GRIK4: variants seen among roughly 807,000 people sequenced by gnomAD.
The protein encoded by GRIK4 is glutamate ionotropic receptor kainate type subunit 4.
A neutral mutation model predicts 104.9 loss-of-function variants in GRIK4; 40 were observed. The observed-to-expected ratio is 0.38, with a 90% confidence interval of 0.30 to 0.50. The LOEUF (loss-of-function observed/expected upper bound fraction) is 0.50, where lower values mean the gene tolerates loss of function less well. Among genes scored for constraint, GRIK4 ranks in the 20% least tolerant of loss-of-function variants. GRIK4 has a pLI of 0.93. For missense variants in GRIK4, 1,047 were observed against 1,308.1 expected, an observed-to-expected ratio of 0.80 and a Z score of 3.08; for synonymous variants, 485 against 524.9, an observed-to-expected ratio of 0.92 and a Z score of 1.04.
At chr11:120,669,632 T>A (rs953076669) in intron 3 of GRIK4, among the ~76,000 whole-genome samples, 5 of 152,212 alleles carry the variant, frequency 3.3e-5, no homozygotes, top group African/African-American at 7.2e-5. Context: ...TTTCACATAG[T>A]CTTTTCCTCC....
At chr11:120,911,655 A>G (rs1942998881) in intron 13 of GRIK4, among the ~76,000 whole-genome samples, 1 of 149,902 alleles carries the variant, frequency 6.7e-6, no homozygotes, top group Non-Finnish European at 1.5e-5. Flanking sequence ...CAGCCTGGCC[A>G]ACATGGTGAA....
intron 1 of GRIK4, among the ~76,000 whole-genome samples, chr11:120,615,338 C>G (rs1426889264): frequency 6.6e-6 from 1 of 152,194 alleles, no homozygotes; most frequent in Non-Finnish European, 1.5e-5. Context: ...GTTGGGTGGG[C>G]TACTTCTGTG....
At chr11:120,514,707 C>T (rs897314465) in intron 1 of GRIK4, among the ~76,000 whole-genome samples, 1 of 152,206 alleles carries the variant, frequency 6.6e-6, no homozygotes, top group African/African-American at 2.4e-5. Context: ...TGGGCACTGC[C>T]TCTTGCCTCC....
rs1829378728 is a variant in GRIK4, at chr11:120,883,476, C to T, written c.1164+8233C>T. ...TACTTCACTAAAAGGCTCTGAAATA[C>T]TTTCTCCTGTGAGTGAATCAGGCTC... On this transcript the variant is annotated intron_variant, in intron 11 of 20. Transcript: ENST00000527524. Among the ~76,000 whole-genome samples the T allele has an allele frequency of 2.0e-5, 3 of 152,208 alleles. No individual in the cohort carries two copies. In the South Asian group the frequency reaches 6.2e-4, roughly 32 times the overall value.
intron 1 of GRIK4, among the ~76,000 whole-genome samples, chr11:120,619,671 G>A (rs1949160902): frequency 6.6e-6 from 1 of 152,100 alleles, no homozygotes; most frequent in Non-Finnish European, 1.5e-5. Flanking sequence ...ATGAGATCTG[G>A]TTGTTTAAAA....
intron 1 of GRIK4, among the ~76,000 whole-genome samples, chr11:120,594,748 G>A (rs1031030115): frequency 1.3e-5 from 2 of 152,184 alleles, no homozygotes; most frequent in Admixed American, 6.5e-5. Context: ...ATTCACTGCA[G>A]TTGGGCCACG....
intron 13 of GRIK4, among the ~76,000 whole-genome samples, chr11:120,924,962 A>C (rs1026459712): frequency 3.3e-5 from 5 of 152,192 alleles, no homozygotes; most frequent in Non-Finnish European, 7.4e-5. Flanking sequence ...ACTGATAGGA[A>C]ATGAGAAGGG....
At chr11:120,823,699 T>C (rs148984434) in intron 6 of GRIK4, among the ~76,000 whole-genome samples, 2 of 152,354 alleles carry the variant, frequency 1.3e-5, no homozygotes, top group African/African-American at 4.8e-5. Context: ...GAGATCTCTC[T>C]GAACAACATG....
At chr11:120,734,325 A>G (rs1951187441) in intron 3 of GRIK4, among the ~76,000 whole-genome samples, 1 of 152,166 alleles carries the variant, frequency 6.6e-6, no homozygotes, top group Non-Finnish European at 1.5e-5. Context: ...TTCTAGGGTA[A>G]AAGTTTTTTT....
chr11:120,893,480 A>AT (rs943970522), intron 11 of GRIK4, among the ~76,000 whole-genome samples: 2 of 152,182 alleles, frequency 1.3e-5, no homozygotes, highest in African/African-American at 2.4e-5. Context: ...CTGGAATCCT[A>AT]TTTTTTCTAC....
rs747556882 is a variant in GRIK4 at position 120,558,995 on chromosome 11, C to T, written c.-159+47108C>T. The stretch of plus-strand genomic sequence containing the variant: ...ATATTTTTGCTGTGTTTATTCTTCC[C>T]GTCATCTTCCCTGGCAGCAAGTGAC... On this transcript the variant is annotated intron_variant, in intron 1 of 20. Coordinates refer to ENST00000527524, the MANE Select transcript of GRIK4 (RefSeq NM_014619.5). Among the ~76,000 whole-genome samples, 44 of 152,184 alleles carry T rather than the reference C, an allele frequency of 2.9e-4. 1 individual carries two copies. The highest frequency in any genetic ancestry group is 1.0e-3 in the Admixed American group (16 of 15,278).
At chr11:120,657,808 C>T (rs746162440) in intron 2 of GRIK4, among the ~76,000 whole-genome samples, 1 of 152,160 alleles carries the variant, frequency 6.6e-6, no homozygotes, top group Admixed American at 6.5e-5. Context: ...GGCGGAGTGT[C>T]CCTGAACAAG....
At chr11:120,855,627 T>A (rs1174242106) in intron 8 of GRIK4, among the ~76,000 whole-genome samples, 2 of 151,884 alleles carry the variant, frequency 1.3e-5, no homozygotes, top group Admixed American at 1.3e-4. Flanking sequence ...GGCACCATCT[T>A]GGCTCACTGC....
At chr11:120,594,226 C>T (rs1948772187) in intron 1 of GRIK4, among the ~76,000 whole-genome samples, 1 of 152,182 alleles carries the variant, frequency 6.6e-6, no homozygotes, top group Non-Finnish European at 1.5e-5. Context: ...GCCTGTAATC[C>T]CAGTATTTTG....
intron 13 of GRIK4, among the ~76,000 whole-genome samples, chr11:120,912,710 G>T (rs1210946287): frequency 6.6e-6 from 1 of 152,210 alleles, no homozygotes; most frequent in Non-Finnish European, 1.5e-5. Flanking sequence ...GTTGTAGCTA[G>T]AGGGAGCTGT....
At chr11:120,770,286 T>C (rs938641728) in intron 3 of GRIK4, among the ~76,000 whole-genome samples, 12 of 152,348 alleles carry the variant, frequency 7.9e-5, no homozygotes, top group African/African-American at 2.9e-4. Context: ...TAAAATTACC[T>C]TAACTCCCAG....
intron 1 of GRIK4, among the ~76,000 whole-genome samples, chr11:120,575,437 A>G (rs1948470107): frequency 6.6e-6 from 1 of 151,824 alleles, no homozygotes; most frequent in Non-Finnish European, 1.5e-5. Flanking sequence ...GGGTCCTCTC[A>G]CCATCTATCT....
chr11:120,753,820 C>T (rs1034491350), intron 3 of GRIK4, among the ~76,000 whole-genome samples: 10 of 152,134 alleles, frequency 6.6e-5, no homozygotes, highest in African/African-American at 2.4e-5. Context: ...ACATATAATG[C>T]ACCCATTTAA....
At chr11:120,525,952 G>A (rs1226695775) in intron 1 of GRIK4, among the ~76,000 whole-genome samples, 1 of 152,184 alleles carries the variant, frequency 6.6e-6, no homozygotes, top group Non-Finnish European at 1.5e-5. Context: ...CAGGGTTGGG[G>A]AAGAGCAAAT....
Sources: gnomAD v4.1 joint callset for allele counts (sites outside exome capture counted in the v4.1 genomes callset) on GRCh38, gnomAD v4.1.1 for gene constraint, MANE v1.5 for transcripts, NCBI Gene and HGNC (gene_info 2026-07-23, HGNC 2026-07-21) for gene names.